HS3ST4: variants seen among roughly 807,000 people sequenced by gnomAD.
HS3ST4 encodes the protein heparan sulfate-glucosamine 3-sulfotransferase 4.
A neutral mutation model predicts 29.2 loss-of-function variants in HS3ST4; 17 were observed. That is an observed-to-expected ratio of 0.58 (90% CI 0.40 to 0.87). The LOEUF (loss-of-function observed/expected upper bound fraction) is 0.87. Among genes scored for constraint, HS3ST4 ranks in the 40% least tolerant of loss-of-function variants. HS3ST4 has a pLI of 0.00. For missense variants in HS3ST4, 627 were observed against 634.5 expected (o/e 0.99, Z 0.13); for synonymous variants, 314 against 285.7 (o/e 1.10, Z -1.00).
chr16:26,042,840 C>T (rs1253749473), intron 1 of HS3ST4, among the ~76,000 whole-genome samples: 1 of 152,028 alleles, frequency 6.6e-6, no homozygotes. Flanking sequence ...TTTTAAAATG[C>T]ACAATTGAGT....
chr16:26,104,261 G>T (rs1899024338), intron 1 of HS3ST4, among the ~76,000 whole-genome samples: 1 of 152,136 alleles, frequency 6.6e-6, no homozygotes, highest in Non-Finnish European at 1.5e-5. Context: ...ATGGAAGCTT[G>T]GGAATCCAGC....
At chr16:26,012,484 T>C (rs1250538304) in intron 1 of HS3ST4, among the ~76,000 whole-genome samples, 3 of 152,250 alleles carry the variant, frequency 2.0e-5, no homozygotes, top group Non-Finnish European at 2.9e-5. Flanking sequence ...GTAGCTTTTG[T>C]TTCTCAGAAG....
intron 1 of HS3ST4, among the ~76,000 whole-genome samples, chr16:25,778,998 C>G (rs546040480): frequency 6.6e-6 from 1 of 152,220 alleles, no homozygotes; most frequent in African/African-American, 2.4e-5. Context: ...CTCTCTGTGT[C>G]TCTACACACA....
intron 1 of HS3ST4, among the ~76,000 whole-genome samples, chr16:25,881,400 G>C (rs1967895021): frequency 6.6e-6 from 1 of 152,124 alleles, no homozygotes; most frequent in African/African-American, 2.4e-5. Context: ...CTTGGGATTT[G>C]TTCAGTGTTT....
intron 1 of HS3ST4, chr16:25,825,284 T>A (rs191879623): frequency 9.2e-5 from 14 of 152,344 alleles, no homozygotes; most frequent in African/African-American, 2.9e-4. Context: ...TTTGTACTTC[T>A]CAGCTCCAGA....
chr16:25,855,005 A>T (rs1321131445), intron 1 of HS3ST4, among the ~76,000 whole-genome samples: 1 of 152,160 alleles, frequency 6.6e-6, no homozygotes, highest in Non-Finnish European at 1.5e-5. Flanking sequence ...ATAGAAATAC[A>T]GGTAAAGACA....
At chr16:26,014,128 G>T (rs963108512) in intron 1 of HS3ST4, among the ~76,000 whole-genome samples, 1 of 151,692 alleles carries the variant, frequency 6.6e-6, no homozygotes, top group Non-Finnish European at 1.5e-5. Flanking sequence ...TTCCTTTGTG[G>T]CAATTCTCAT....
intron 1 of HS3ST4, among the ~76,000 whole-genome samples, chr16:26,123,268 G>A (rs114754235): frequency 0.017 from 2,629 of 152,178 alleles, 64 homozygotes; most frequent in African/African-American, 0.058. Context: ...CAAAACTGAG[G>A]ATCAAAGACA....
intron 1 of HS3ST4, among the ~76,000 whole-genome samples, chr16:25,982,664 C>T (rs573319927): frequency 1.1e-4 from 17 of 152,190 alleles, no homozygotes; most frequent in African/African-American, 3.9e-4. Context: ...CACATCTCTA[C>T]GAAATTTTTT....
intron 1 of HS3ST4, among the ~76,000 whole-genome samples, chr16:26,112,405 C>T (rs542040844): frequency 4.0e-4 from 30 of 74,780 alleles, no homozygotes; most frequent in South Asian, 9.2e-4. Flanking sequence ...TTTTTTGAGA[C>T]GGAATCTAGC....
At chr16:26,118,373 C>T (rs1365827631) in intron 1 of HS3ST4, among the ~76,000 whole-genome samples, 2 of 152,140 alleles carry the variant, frequency 1.3e-5, no homozygotes, top group East Asian at 3.9e-4. Flanking sequence ...AGGGTTTGAG[C>T]CACCACACCT....
chr16:26,098,897 C>T (rs903122281), intron 1 of HS3ST4, among the ~76,000 whole-genome samples: 2 of 152,006 alleles, frequency 1.3e-5, no homozygotes, highest in African/African-American at 2.4e-5. Flanking sequence ...TGAGCTAATC[C>T]TGTCCAAGGC....
Position 26,030,660 on chromosome 16 carries a change from A to T in HS3ST4, c.735-104952A>T, listed in dbSNP as rs565577467. Among the ~76,000 whole-genome samples the T allele has an allele frequency of 1.6e-4, 24 of 152,136 alleles. 1 individual carries two copies. The South Asian group carries it at 5.0e-3, about 32-fold the overall frequency. On this transcript the variant is annotated intron_variant, in intron 1 of 1. Transcript: ENST00000331351. ...ATACCTAGGCACCATACACCCACTC[A>T]CCTAGGTTGAGTCTCATTCCCTTCA...
At chr16:25,795,941 A>G (rs1596573445) in intron 1 of HS3ST4, among the ~76,000 whole-genome samples, 1 of 142,656 alleles carries the variant, frequency 7.0e-6, no homozygotes. Flanking sequence ...GACTGTCAAA[A>G]CTCTTTTTTT....
chr16:26,091,258 G>T (rs7201424), intron 1 of HS3ST4, among the ~76,000 whole-genome samples: 82,178 of 152,050 alleles, frequency 0.54, 22,955 homozygotes, highest in African/African-American at 0.67. Flanking sequence ...CATGATGTAT[G>T]ATAATATTAA....
intron 1 of HS3ST4, among the ~76,000 whole-genome samples, chr16:25,897,272 G>C (rs1227197325): frequency 6.6e-6 from 1 of 152,042 alleles, no homozygotes; most frequent in African/African-American, 2.4e-5. Context: ...TGGGCAACAC[G>C]GTAAAGCCCC....
At chr16:25,827,548 C>T (rs201820325) in intron 1 of HS3ST4, among the ~76,000 whole-genome samples, 1 of 100,430 alleles carries the variant, frequency 1.0e-5, no homozygotes, top group Non-Finnish European at 2.2e-5. Context: ...AAAAAAAAAA[C>T]AACAACAAGC....
intron 1 of HS3ST4, among the ~76,000 whole-genome samples, chr16:25,886,065 CTCTT>C (rs1436664047): frequency 2.6e-5 from 3 of 115,036 alleles, no homozygotes; most frequent in African/African-American, 1.0e-4. Context: ...CAGAGTCTCA[CTCTT>C]TCACCCAGGC....
At chr16:26,072,848 G>A (rs1285360749) in intron 1 of HS3ST4, among the ~76,000 whole-genome samples, 2 of 152,164 alleles carry the variant, frequency 1.3e-5, no homozygotes, top group East Asian at 3.8e-4. Context: ...GTTACTAAGA[G>A]ACACTTTCAA....
Sources: gnomAD v4.1 joint callset for allele counts (sites outside exome capture counted in the v4.1 genomes callset) on GRCh38, gnomAD v4.1.1 for gene constraint, MANE v1.5 for transcripts, NCBI Gene and HGNC (gene_info 2026-07-23, HGNC 2026-07-21) for gene names.